The following WFS1 variants were observed in gnomAD, a reference collection of about 807,000 sequenced individuals.
WFS1 encodes the protein wolframin ER transmembrane glycoprotein.
WFS1 carries 90 observed loss-of-function variants against 68.5 expected under a neutral mutation model. The ratio of observed to expected loss-of-function variants is 1.31; its 90% CI spans 1.11 to 1.56. WFS1 has a LOEUF of 1.56. Ranked by LOEUF, WFS1 falls within the 40% of genes most tolerant of loss-of-function variation. The probability of loss-of-function intolerance (pLI) is 0.00; values close to 1 mark genes in which losing one functional copy is unlikely to be tolerated. For missense variants in WFS1, 1,767 were observed against 1,232.6 expected (o/e 1.43, Z -6.49); for synonymous variants, 860 against 540.7 (o/e 1.59, Z -8.19).
intron 7 of WFS1, among the ~76,000 whole-genome samples, chr4:6,295,998 T>C (rs761822894): frequency 1.3e-5 from 2 of 152,160 alleles, no homozygotes; most frequent in African/African-American, 2.4e-5. Context: ...CAGCAGATGA[T>C]TGTCACAGAG....
At chr4:6,278,997 C>T (rs954430765) in intron 2 of WFS1, among the ~76,000 whole-genome samples, 8 of 152,210 alleles carry the variant, frequency 5.3e-5, no homozygotes, top group Non-Finnish European at 1.0e-4. Context: ...TGTTTGGCTT[C>T]GGTCTCCAAT....
At chr4:6,297,469 A>G (rs1044880505) in intron 7 of WFS1, among the ~76,000 whole-genome samples, 1 of 152,252 alleles carries the variant, frequency 6.6e-6, no homozygotes, top group Non-Finnish European at 1.5e-5. Flanking sequence ...CATCGTAGAT[A>G]GAATCCTCTG....
rs1483562169 is a variant in WFS1, at chr4:6,277,577, C to T, written c.122C>T (p.Pro41Leu). The T allele has an allele frequency of 2.5e-6, 4 of 1,583,764 alleles. No homozygotes were observed. The Admixed American group carries it at 5.4e-5, about 21-fold the overall frequency. ...TTGGAGCAGGAGAGGAGCGAAAGGC[C>T]CCGAGCACCCGGACCCCAGGCTGGC... ...ASLEQERSER[P>L]RAPGPQAGPG... Residue 41 changes from proline to leucine, a missense_variant, in exon 2 of 8, where the codon CCC becomes CTC. Pro to Leu is a moderately conservative substitution (Grantham distance 98). Coordinates refer to ENST00000226760, the MANE Select transcript of WFS1 (RefSeq NM_006005.3).
intron 7 of WFS1, among the ~76,000 whole-genome samples, chr4:6,299,875 G>C (rs1560416765): frequency 7.8e-6 from 1 of 127,408 alleles, no homozygotes; most frequent in Non-Finnish European, 1.6e-5. Flanking sequence ...GTAGGGGTGG[G>C]CTGCATGTGT....
At chr4:6,289,434 C>G (rs1011232374) in intron 4 of WFS1, among the ~76,000 whole-genome samples, 16 of 152,360 alleles carry the variant, frequency 1.1e-4, no homozygotes, top group African/African-American at 3.8e-4. Context: ...CTGGGTTCAG[C>G]TGAGAGGCAG....
In WFS1 at chr4:6,302,549, A is replaced by G; in HGVS notation, c.*81A>G. On this transcript the variant is annotated 3_prime_UTR_variant, in exon 8 of 8. Transcript: ENST00000226760. ...TGTGGCCCCAGCCCGACAGGCATGC[A>G]CCAGTGCCGCCTGTGCCCACGTGTG... 2 of 1,588,180 alleles carry G rather than the reference A, an allele frequency of 1.3e-6. No individual in the cohort carries two copies. The highest frequency in any genetic ancestry group is 2.2e-5 in the East Asian group (1 of 44,606).
chr4:6,289,280 T>C, intron 4 of WFS1, 149 bp downstream of exon 4: 1 of 1,047,520 alleles, frequency 9.5e-7, no homozygotes, highest in Non-Finnish European at 1.4e-6. Flanking sequence ...GGCCTTCTCA[T>C]TTTAGACACT....
At chr4:6,290,295 A>G (rs927016529) in intron 4 of WFS1, among the ~76,000 whole-genome samples, 35 of 152,242 alleles carry the variant, frequency 2.3e-4, no homozygotes, top group Admixed American at 1.2e-3. Flanking sequence ...TGAAAATTAA[A>G]CTGATGATTT....
chr4:6,296,328 G>GC (rs1730638748), intron 7 of WFS1, among the ~76,000 whole-genome samples: 2 of 152,308 alleles, frequency 1.3e-5, no homozygotes. Flanking sequence ...CTGAGTGTGA[G>GC]CCCCCCGAGT....
chr4:6,279,435 G>A (rs182615971), intron 2 of WFS1, among the ~76,000 whole-genome samples: 6 of 152,340 alleles, frequency 3.9e-5, no homozygotes, highest in East Asian at 1.9e-4. Context: ...ATGACCCAGC[G>A]TCCCGTGGTT....
At chr4:6,290,931 C>G (rs918378408) in intron 4 of WFS1, among the ~76,000 whole-genome samples, 2 of 152,186 alleles carry the variant, frequency 1.3e-5, no homozygotes, top group Admixed American at 1.3e-4. Context: ...AGGGGAGGAA[C>G]AGGAAGAGGC....
chr4:6,292,530 G>C (rs930511697), intron 6 of WFS1, among the ~76,000 whole-genome samples: 1 of 152,122 alleles, frequency 6.6e-6, no homozygotes, highest in African/African-American at 2.4e-5. Flanking sequence ...TGAGCTGGGG[G>C]TGCCTCTGGG....
chr4:6,301,746 G>A lies in WFS1; in HGVS notation c.1951G>A (p.Val651Met). The A allele has an allele frequency of 6.2e-7, 1 of 1,613,952 alleles. No individual in the cohort carries two copies. The highest frequency in any genetic ancestry group is 8.5e-7 in the Non-Finnish European group (1 of 1,180,046). ...TAIVLFCWFYVYRSEGMKVYN... is the reference protein window; with the variant it reads ...TAIVLFCWFYMYRSEGMKVYN... ...CATCGTGCTGTTCTGCTGGTTCTAT[G>A]TGTACCGCTCAGAGGGCATGAAGGT... The change falls in exon 8 of 8, where the codon GTG becomes ATG. Residue 651 changes from valine to methionine, a missense_variant. Transcript: ENST00000226760.
intron 1 of WFS1, among the ~76,000 whole-genome samples, chr4:6,276,805 C>T (rs1208665453): frequency 1.3e-5 from 2 of 152,178 alleles, no homozygotes; most frequent in Admixed American, 1.3e-4. Flanking sequence ...AGGGTGGGTC[C>T]CTCCTGGAGG....
chr4:6,297,577 C>G (rs1430888689), intron 7 of WFS1, among the ~76,000 whole-genome samples: 1 of 152,214 alleles, frequency 6.6e-6, no homozygotes, highest in Non-Finnish European at 1.5e-5. Flanking sequence ...TGAGCAGAAT[C>G]TCGTCTCGGC....
intron 2 of WFS1, among the ~76,000 whole-genome samples, chr4:6,286,217 C>A (rs1730304561): frequency 6.6e-6 from 1 of 151,952 alleles, no homozygotes; most frequent in African/African-American, 2.4e-5. Context: ...GTTTGTGTCT[C>A]TCCCAGATTC....
In WFS1 at chr4:6,273,132, C is replaced by A. The variant is rs554673503; in HGVS notation, c.-6+3118C>A. Among the ~76,000 whole-genome samples the A allele has an allele frequency of 1.1e-4, 17 of 152,318 alleles. No homozygotes were observed. The South Asian group carries it at 1.9e-3, about 17-fold the overall frequency. The stretch of plus-strand genomic sequence containing the variant: ...GGCTTGGGAGATGGGGTTGCCCCCC[C>A]AGAGAGAACAGAATGGGGGTGGCCT... On this transcript the variant is annotated intron_variant, in intron 1 of 7. Coordinates refer to ENST00000226760, the MANE Select transcript of WFS1 (RefSeq NM_006005.3).
Position 6,287,157 on chromosome 4 carries a change from C to A in WFS1, c.297C>A (p.Asp99Glu). 6.4e-7 allele frequency: 1 copy of A among 1,560,024 alleles called. No homozygotes were observed. ...TCCTGGAGAGGGCCAAGGCCGGGGA[C>A]CCCAAGGCACAGACTGAGGTGAGGA... ...EEVLERAKAGDPKAQTEVGKH... is the reference protein window; with the variant it reads ...EEVLERAKAGEPKAQTEVGKH... The change falls in exon 3 of 8, where the codon GAC (aspartate) becomes GAA (glutamate). Residue 99 changes from aspartate to glutamate, a missense_variant. By Grantham distance (45) the Asp-to-Glu change is conservative. Transcript: ENST00000226760. The surrounding 1 kb of genome is among the most constrained non-coding windows in gnomAD (Gnocchi z 6.4).
At chr4:6,298,807 C>G (rs1442806130) in intron 7 of WFS1, among the ~76,000 whole-genome samples, 2 of 152,352 alleles carry the variant, frequency 1.3e-5, no homozygotes, top group East Asian at 3.9e-4. Context: ...GTGTTGTCAC[C>G]TAGTTGCCAT....
Sources: allele counts gnomAD v4.1 joint callset (sites outside exome capture counted in the v4.1 genomes callset), GRCh38; gene constraint gnomAD v4.1.1; non-coding constraint Gnocchi (gnomAD v3.1); transcripts MANE v1.5; gene names NCBI Gene and HGNC (gene_info 2026-07-23, HGNC 2026-07-21).